The following KDM4C variants were observed in gnomAD, a reference collection of about 807,000 sequenced individuals.
KDM4C encodes the protein lysine demethylase 4C.
Under a neutral mutation model 129.3 loss-of-function variants are expected in KDM4C, and 81 were observed. The ratio of observed to expected loss-of-function variants is 0.63; its 90% CI spans 0.52 to 0.75. KDM4C has a LOEUF of 0.75. KDM4C is among the 30% of genes least tolerant of loss of function. KDM4C has a pLI of 0.00. For synonymous variants in KDM4C, 573 were observed against 456.1 expected (o/e 1.26, Z -3.26); for missense variants, 1,457 against 1,304.0 (o/e 1.12, Z -1.81).
intron 4 of KDM4C, among the ~76,000 whole-genome samples, chr9:6,826,597 G>C (rs1028759381): frequency 6.6e-6 from 1 of 152,140 alleles, no homozygotes; most frequent in East Asian, 1.9e-4. Context: ...CGGGCGCGGT[G>C]GCTTATGCCT....
intron 4 of KDM4C, among the ~76,000 whole-genome samples, chr9:6,825,790 G>C (rs1833774696): frequency 6.6e-6 from 1 of 152,094 alleles, no homozygotes; most frequent in South Asian, 2.1e-4. Context: ...GAAAAATATT[G>C]TGGCAAATCT....
Position 6,986,388 on chromosome 9 carries a change from G to T in KDM4C, c.1399G>T (p.Glu467Ter). 1 of 1,613,566 alleles carries T rather than the reference G, an allele frequency of 6.2e-7. No homozygotes were observed. The highest frequency in any genetic ancestry group is 2.2e-5 in the East Asian group (1 of 44,866). ...STSVTEDIKT[E>*]DDKAYAYRSV... The stretch of plus-strand genomic sequence containing the variant: ...ATCTGTAACAGAAGACATAAAAACT[G>T]AGGATGACAAAGCTTATGCATATAG... Residue 467 changes from glutamate (E) to a stop codon, truncating the protein, a stop_gained, in exon 11 of 22, where the codon GAG becomes TAG. Transcript: ENST00000381309. LOFTEE classifies it high-confidence loss of function.
chr9:6,746,809 C>A (rs1358294566), intron 1 of KDM4C, among the ~76,000 whole-genome samples: 6 of 149,134 alleles, frequency 4.0e-5, no homozygotes, highest in African/African-American at 1.5e-4. Flanking sequence ...GAGATCGAGA[C>A]CATCCTGGCT....
chr9:6,799,808 T>C (rs1324143810), intron 2 of KDM4C, among the ~76,000 whole-genome samples: 1 of 152,042 alleles, frequency 6.6e-6, no homozygotes, highest in East Asian at 1.9e-4. Context: ...TTTTATAACA[T>C]TCTTAAATAT....
At chr9:6,826,226 C>T (rs1193147535) in intron 4 of KDM4C, among the ~76,000 whole-genome samples, 2 of 148,154 alleles carry the variant, frequency 1.3e-5, no homozygotes, top group Non-Finnish European at 3.0e-5. Flanking sequence ...TGGTTGGTGT[C>T]CTATTCTTTC....
intron 17 of KDM4C, among the ~76,000 whole-genome samples, chr9:7,077,957 A>G (rs1055778397): frequency 6.6e-6 from 1 of 152,208 alleles, no homozygotes; most frequent in Non-Finnish European, 1.5e-5. Flanking sequence ...CAGGTTCCAC[A>G]TGTGAGGATC....
intron 8 of KDM4C, among the ~76,000 whole-genome samples, chr9:6,968,445 G>C (rs1831388895): frequency 6.6e-6 from 1 of 152,186 alleles, no homozygotes; most frequent in African/African-American, 2.4e-5. Context: ...TCTGTTGTAG[G>C]AACTTTGTGT....
intron 20 of KDM4C, among the ~76,000 whole-genome samples, chr9:7,168,068 A>T (rs1053286917): frequency 6.6e-6 from 1 of 152,194 alleles, no homozygotes; most frequent in Non-Finnish European, 1.5e-5. Context: ...CATGCTTATA[A>T]TTACAGCTAC....
chr9:7,143,883 G>A (rs950186855), intron 19 of KDM4C, among the ~76,000 whole-genome samples: 1 of 152,206 alleles, frequency 6.6e-6, no homozygotes, highest in African/African-American at 2.4e-5. Flanking sequence ...GCATAAGTCA[G>A]TGTATAATGA....
At chr9:6,811,059 TTA>T (rs1831053825) in intron 3 of KDM4C, among the ~76,000 whole-genome samples, 1 of 152,208 alleles carries the variant, frequency 6.6e-6, no homozygotes, top group Admixed American at 6.5e-5. Flanking sequence ...ACCAATGCTC[TTA>T]CTTGTCAACA....
At chr9:6,934,219 C>T (rs62533789) in intron 8 of KDM4C, among the ~76,000 whole-genome samples, 38,929 of 151,516 alleles carry the variant, frequency 0.26, 5,434 homozygotes, top group South Asian at 0.39. Flanking sequence ...CGGGGTCTCA[C>T]GCCGGTAATC....
At chr9:7,076,213 C>T (rs555726653) in intron 17 of KDM4C, among the ~76,000 whole-genome samples, 13 of 152,096 alleles carry the variant, frequency 8.5e-5, no homozygotes, top group Non-Finnish European at 1.6e-4. Context: ...CTTCCTCTTG[C>T]GATACTTTAT....
intron 15 of KDM4C, among the ~76,000 whole-genome samples, chr9:7,022,232 A>G (rs971152058): frequency 6.6e-6 from 1 of 152,126 alleles, no homozygotes; most frequent in African/African-American, 2.4e-5. Context: ...GAATCTTTAG[A>G]TAGCTTTGGA....
intron 18 of KDM4C, among the ~76,000 whole-genome samples, chr9:7,107,046 C>G (rs1049560829): frequency 3.3e-5 from 5 of 152,042 alleles, no homozygotes; most frequent in African/African-American, 9.7e-5. Context: ...ATGTGTTTGC[C>G]AGCGTTTTTG....
intron 8 of KDM4C, among the ~76,000 whole-genome samples, chr9:6,962,871 C>T (rs1236064699): frequency 1.3e-5 from 2 of 152,142 alleles, no homozygotes; most frequent in Non-Finnish European, 2.9e-5. Flanking sequence ...CTAATGTTTT[C>T]TGTAATTCAT....
At chr9:7,017,235 C>T (rs1427797710) in intron 15 of KDM4C, among the ~76,000 whole-genome samples, 2 of 152,190 alleles carry the variant, frequency 1.3e-5, no homozygotes, top group Non-Finnish European at 2.9e-5. Context: ...CTGTGCCTGA[C>T]ATCATATCTA....
chr9:6,832,717 G>A lies in KDM4C; in HGVS notation c.436-16790G>A, dbSNP rs1411033066. ...TGGGATTATAGGCGTGAGCCACTGT[G>A]CCCGGCCTTTTTTTTTTTTTTTTTA... On this transcript the variant is annotated intron_variant, in intron 4 of 21. Transcript: ENST00000381309. Among the ~76,000 whole-genome samples, 6 of 136,860 alleles carry A rather than the reference G, an allele frequency of 4.4e-5. No homozygotes were observed. The East Asian group carries it at 1.3e-3, about 30-fold the overall frequency. The allele number at this position is 136,860 out of a possible 152,430, so 89.8% of individuals were successfully genotyped here.
At chr9:6,856,985 C>T (rs1174000809) in intron 5 of KDM4C, among the ~76,000 whole-genome samples, 1 of 152,118 alleles carries the variant, frequency 6.6e-6, no homozygotes, top group Non-Finnish European at 1.5e-5. Flanking sequence ...TCTCGATCTC[C>T]TGACCTCATG....
intron 8 of KDM4C, among the ~76,000 whole-genome samples, chr9:6,979,191 A>C (rs1387191366): frequency 4.6e-5 from 7 of 152,246 alleles, no homozygotes; most frequent in Admixed American, 3.3e-4. Flanking sequence ...TTAATCCAAA[A>C]TATCTTTCAA....
Sources: gnomAD v4.1 joint callset for allele counts (sites outside exome capture counted in the v4.1 genomes callset) on GRCh38, gnomAD v4.1.1 for gene constraint, MANE v1.5 for transcripts, NCBI Gene and HGNC (gene_info 2026-07-23, HGNC 2026-07-21) for gene names.